Variants in CLOCK observed in about 807,000 individuals in gnomAD.
CLOCK encodes the protein clock circadian regulator.
Under a neutral mutation model 118.4 loss-of-function variants are expected in CLOCK, and 43 were observed. The observed-to-expected ratio is 0.36, with a 90% CI of 0.28 to 0.47. CLOCK has a LOEUF of 0.47. Ranked by LOEUF, CLOCK falls within the 20% of genes least tolerant of loss-of-function variation. CLOCK has a pLI of 1.00. For missense variants in CLOCK, 846 were observed against 999.9 expected (o/e 0.85, Z 2.08); for synonymous variants, 326 against 339.2 (o/e 0.96, Z 0.43).
chr4:55,536,110 A>G (rs1057467604), intron 1 of CLOCK, among the ~76,000 whole-genome samples: 2 of 152,110 alleles, frequency 1.3e-5, no homozygotes, highest in African/African-American at 4.8e-5. Flanking sequence ...GAATTTTAAA[A>G]CCGTGCAGGG....
chr4:55,518,854 C>T (rs553182878), intron 1 of CLOCK, among the ~76,000 whole-genome samples: 34 of 152,242 alleles, frequency 2.2e-4, no homozygotes, highest in African/African-American at 6.7e-4. Flanking sequence ...CTAAGACAAC[C>T]GACAAGCTAT....
rs543651862 is a variant in CLOCK, at chr4:55,453,369, A to G, written c.1131-240T>C. 4.7e-4 allele frequency: 235 copies of G among 495,970 alleles called. 4 individuals are homozygous for G. In the Middle Eastern group the frequency reaches 0.013, roughly 27 times the overall value. 30.7% of individuals were successfully genotyped at this position (495,970 alleles called of 1,614,324 possible). ...ACCACACAATACTTAAATTAAGAAA[A>G]ATAAATAAAGGAAGTGTATGCTTAT... On this transcript the variant is annotated intron_variant, in intron 14 of 22. Coordinates refer to ENST00000513440, the MANE Select transcript of CLOCK (RefSeq NM_004898.4).
chr4:55,435,439 G>T lies in CLOCK; in HGVS notation c.2517C>A (p.Asp839Glu). 6.2e-7 allele frequency: 1 copy of T among 1,613,994 alleles called. No individual in the cohort carries two copies. The highest frequency in any genetic ancestry group is 8.5e-7 in the Non-Finnish European group (1 of 1,179,908). ...LSRHRTDSLP[D>E]PSKVQPQ ...GCTACTGTGGTTGAACCTTGGAAGG[G>T]TCGGGCAAGCTGTCAGTCCTGTGCC... Residue 839 changes from aspartate (D) to glutamate (E), a missense_variant, in exon 23 of 23, where the codon GAC (aspartate) becomes GAA (glutamate). Asp to Glu is a conservative substitution (Grantham distance 45). This residue lies in a region of CLOCK where 520 missense variants were observed against 558.0 expected (regional missense o/e 0.93). Coordinates refer to ENST00000513440, the MANE Select transcript of CLOCK (RefSeq NM_004898.4).
At chr4:55,450,253 A>G (rs758341353) in intron 15 of CLOCK, 21 bp from the exon 16 acceptor site, 1 of 1,613,718 alleles carries the variant, frequency 6.2e-7, no homozygotes, top group South Asian at 1.1e-5. Context: ...AGAGTAAAAT[A>G]AATGTTTTCT....
rs2109798679 is a variant in CLOCK, at chr4:55,458,493, T to TAAAA, written c.792+398_792+399insTTTT. ...AGGAAATAAAAATAAAATACCTAAT[T>TAAAA]TTACATTTGAAAAGGTAAGTTATAT... On this transcript the variant is annotated intron_variant, in intron 11 of 22. Coordinates refer to ENST00000513440, the MANE Select transcript of CLOCK (RefSeq NM_004898.4). 2.0e-5 allele frequency among the ~76,000 whole-genome samples: 3 copies of TAAAA among 152,236 alleles called. No individual in the cohort carries two copies. In the South Asian group the frequency reaches 6.2e-4, roughly 32 times the overall value.
intron 1 of CLOCK, among the ~76,000 whole-genome samples, chr4:55,537,277 A>C (rs1730966239): frequency 1.3e-5 from 2 of 152,148 alleles, no homozygotes; most frequent in Non-Finnish European, 2.9e-5. Context: ...AACTGAGTTC[A>C]AGACCAACAT....
intron 1 of CLOCK, among the ~76,000 whole-genome samples, chr4:55,522,495 G>GT (rs539425711): frequency 9.8e-4 from 145 of 147,218 alleles, no homozygotes; most frequent in East Asian, 3.1e-3. Context: ...GTAATAAACT[G>GT]TTTTTTTTTA....
intron 1 of CLOCK, among the ~76,000 whole-genome samples, chr4:55,520,857 A>G (rs1023886375): frequency 2.6e-5 from 4 of 152,142 alleles, no homozygotes; most frequent in Non-Finnish European, 1.5e-5. Context: ...AGACTCTAAC[A>G]TTCATATTTG....
At chr4:55,540,016 T>A (rs1390088408) in intron 1 of CLOCK, among the ~76,000 whole-genome samples, 1 of 151,552 alleles carries the variant, frequency 6.6e-6, no homozygotes, top group Non-Finnish European at 1.5e-5. Flanking sequence ...AATTTTTTTT[T>A]TTTTTTTTTG....
chr4:55,458,111 CAAAAT>C (rs1310657222), intron 11 of CLOCK, among the ~76,000 whole-genome samples: 1 of 152,086 alleles, frequency 6.6e-6, no homozygotes, highest in Non-Finnish European at 1.5e-5. Context: ...GACTCTGTCT[CAAAAT>C]AAAATGCAAA....
At chr4:55,510,634 A>T (rs964731428) in intron 1 of CLOCK, among the ~76,000 whole-genome samples, 2 of 148,770 alleles carry the variant, frequency 1.3e-5, no homozygotes, top group African/African-American at 5.0e-5. Flanking sequence ...CTTTTTAAAA[A>T]AAAAAAAAAA....
Position 55,438,474 on chromosome 4 carries a change from G to C in CLOCK, c.2169C>G (p.Val723=), listed in dbSNP as rs773225666. The C allele has an allele frequency of 1.6e-5, 26 of 1,613,814 alleles. No homozygotes were observed. The highest frequency in any genetic ancestry group is 2.1e-5 in the Non-Finnish European group (25 of 1,180,002). Reference sequence around the variant, plus strand: ...CCATAAGCATAGTACTAGGTACCATGACTGCCCCACAAGCTACAGGAGCAG... The same window carrying C: ...CCATAAGCATAGTACTAGGTACCATCACTGCCCCACAAGCTACAGGAGCAG... The part of the protein sequence containing the change: ...LVTAPVACGA[V]MVPSTMLMGQ... Residue 723 remains valine (V), a synonymous_variant, in exon 22 of 23, where the codon GTC becomes GTG. Transcript: ENST00000513440.
intron 18 of CLOCK, among the ~76,000 whole-genome samples, chr4:55,446,097 ACTT>A (rs776852783): frequency 5.7e-5 from 6 of 105,606 alleles, no homozygotes; most frequent in Admixed American, 2.3e-4. Flanking sequence ...AAAAAATTTA[ACTT>A]CTTTTTTTTT....
At chr4:55,476,077 G>A (rs1248616454) in intron 6 of CLOCK, 23 bp from the exon 7 acceptor site, 3 of 1,516,932 alleles carry the variant, frequency 2.0e-6, no homozygotes, top group South Asian at 1.1e-5. Flanking sequence ...TGACATATTA[G>A]TGGCATACTC....
intron 2 of CLOCK, among the ~76,000 whole-genome samples, chr4:55,508,445 A>T (rs1317444536): frequency 6.6e-6 from 1 of 152,174 alleles, no homozygotes; most frequent in East Asian, 1.9e-4. Context: ...AGTATAATTA[A>T]GTCACTGAGA....
chr4:55,530,774 C>CAAAAAAAAAAAAAA (rs60810379), intron 1 of CLOCK, among the ~76,000 whole-genome samples: 804 of 32,846 alleles, frequency 0.024, 97 homozygotes, highest in South Asian at 0.032. Context: ...GACTCCATCG[C>CAAAAAAAAAAAAAA]AAAAAAAAAA....
In CLOCK at chr4:55,442,405, A is replaced by C. The variant is rs377560621; in HGVS notation, c.2105+27T>G. 529 of 1,585,990 alleles carry C rather than the reference A, an allele frequency of 3.3e-4. 9 individuals carry two copies. The South Asian group carries it at 5.2e-3, about 16-fold the overall frequency. ...CTAATCAATCGGTTTACAATTTTAA[A>C]AATAACAAATGAAATATGACAACTA... On this transcript the variant is annotated intron_variant, in intron 21 of 22. Coordinates refer to ENST00000513440, the MANE Select transcript of CLOCK (RefSeq NM_004898.4).
intron 20 of CLOCK, among the ~76,000 whole-genome samples, chr4:55,443,390 G>T (rs956228990): frequency 2.0e-5 from 3 of 150,124 alleles, no homozygotes; most frequent in Non-Finnish European, 4.4e-5. Flanking sequence ...CAGGAGAATC[G>T]CTTCAACCCA....
At chr4:55,475,625 A>G (rs1376891753) in intron 7 of CLOCK, among the ~76,000 whole-genome samples, 3 of 152,040 alleles carry the variant, frequency 2.0e-5, no homozygotes, top group Non-Finnish European at 4.4e-5. Flanking sequence ...AGCAACCACC[A>G]CCCTAATCAG....
Sources: allele counts gnomAD v4.1 joint callset (sites outside exome capture counted in the v4.1 genomes callset), GRCh38; gene constraint gnomAD v4.1.1; regional missense constraint gnomAD v4.1.1; transcripts MANE v1.5; gene names NCBI Gene and HGNC (gene_info 2026-07-23, HGNC 2026-07-21).